Variants in EEIG1 observed in about 807,000 individuals in gnomAD.
The protein encoded by EEIG1 is estrogen-induced osteoclastogenesis regulator 1, also known as early estrogen-induced gene 1 protein.
chr9:127,948,416 T>C, the EEIG1 span: 1 of 1,614,038 alleles, frequency 6.2e-7, no homozygotes. Context: ...AATGGTGACC[T>C]GTGGCGAGGG....
At chr9:127,966,225 A>T in the EEIG1 span, among the ~76,000 whole-genome samples, 3 of 152,204 alleles carry the variant, frequency 2.0e-5, no homozygotes, top group Non-Finnish European at 4.4e-5. Flanking sequence ...CGTCAGGGTT[A>T]GGTGAAAGGA....
the EEIG1 span, among the ~76,000 whole-genome samples, chr9:127,975,887 C>T: frequency 2.0e-5 from 3 of 152,076 alleles, no homozygotes; most frequent in Non-Finnish European, 4.4e-5. Flanking sequence ...TCCTCCCTCC[C>T]GGGACCCCTG....
chr9:127,945,649 C>T, the EEIG1 span: 2,407 of 1,584,752 alleles, frequency 1.5e-3, 2 homozygotes, highest in Non-Finnish European at 1.9e-3. This position sits in a 1 kb window ranked among gnomAD's most constrained non-coding sequence, Gnocchi z 6.5. Context: ...AGCCACTCAC[C>T]GGAGATCTTG....
At chr9:127,945,796 C>G in the EEIG1 span, 1 of 1,335,196 alleles carries the variant, frequency 7.5e-7, no homozygotes, top group African/African-American at 1.4e-5. The surrounding 1 kb of genome is among the most constrained non-coding windows in gnomAD (Gnocchi z 6.5). Flanking sequence ...ACAGGGGTCA[C>G]CCAGTGCTGC....
the EEIG1 span, among the ~76,000 whole-genome samples, chr9:127,960,313 G>A: frequency 6.6e-6 from 1 of 152,198 alleles, no homozygotes; most frequent in African/African-American, 2.4e-5. Context: ...GGCTGAAGAG[G>A]AGCTGGGGGG....
chr9:127,972,435 CTG>C, the EEIG1 span: 1 of 152,332 alleles, frequency 6.6e-6, no homozygotes, highest in African/African-American at 2.4e-5. The surrounding 1 kb of genome is among the most constrained non-coding windows in gnomAD (Gnocchi z 4.3). Flanking sequence ...GGAGGACAGA[CTG>C]TAAGCACATG....
chr9:127,948,098 T>TG, the EEIG1 span: 3 of 1,612,664 alleles, frequency 1.9e-6, no homozygotes, highest in Non-Finnish European at 1.7e-6. Context: ...GGCCGAGCCT[T>TG]GGGGGGCCGG....
the EEIG1 span, among the ~76,000 whole-genome samples, chr9:127,971,395 C>T: frequency 1.3e-5 from 2 of 152,102 alleles, no homozygotes; most frequent in South Asian, 4.1e-4. Flanking sequence ...CTGCCCCATG[C>T]AGAGGAGCCC....
chr9:127,956,220 C>G, the EEIG1 span, among the ~76,000 whole-genome samples: 1 of 152,160 alleles, frequency 6.6e-6, no homozygotes, highest in Non-Finnish European at 1.5e-5. Context: ...CCAGTGTGTG[C>G]CAGGCCCTGT....
the EEIG1 span, chr9:127,944,116 A>C: frequency 2.3e-5 from 4 of 172,480 alleles, no homozygotes; most frequent in African/African-American, 9.5e-5. Context: ...TCGTTCCCGC[A>C]ACTTTGGTCC....
chr9:127,944,605 C>A, the EEIG1 span: 142 of 1,607,934 alleles, frequency 8.8e-5, no homozygotes, highest in South Asian at 1.5e-4. Context: ...CCTCCCTAAG[C>A]CTGCCCTACC....
the EEIG1 span, chr9:127,943,639 G>A: frequency 4.5e-4 from 103 of 230,058 alleles, 1 homozygote; most frequent in Admixed American, 1.3e-3. Context: ...CCCTGGAGTC[G>A]GGGACTCTCG....
the EEIG1 span, chr9:127,980,377 G>C: frequency 2.3e-6 from 1 of 444,132 alleles, no homozygotes; most frequent in African/African-American, 2.0e-5. Context: ...GAGCGGCCGG[G>C]GACCTCACCG....
the EEIG1 span, among the ~76,000 whole-genome samples, chr9:127,971,020 G>C: frequency 6.6e-6 from 1 of 152,162 alleles, no homozygotes; most frequent in African/African-American, 2.4e-5. Flanking sequence ...AATTTGTCTG[G>C]GGGGAGCCTA....
the EEIG1 span, among the ~76,000 whole-genome samples, chr9:127,967,921 C>T: frequency 2.6e-5 from 4 of 151,682 alleles, no homozygotes; most frequent in Non-Finnish European, 4.4e-5. Context: ...GCTGGTCACA[C>T]AGTCCCCTAC....
the EEIG1 span, among the ~76,000 whole-genome samples, chr9:127,957,806 C>T: frequency 6.6e-6 from 1 of 152,112 alleles, no homozygotes; most frequent in African/African-American, 2.4e-5. Flanking sequence ...TAGAAATAAA[C>T]CTTAGAGACC....
chr9:127,951,829 AAAG>A, the EEIG1 span, among the ~76,000 whole-genome samples: 2 of 150,392 alleles, frequency 1.3e-5, no homozygotes, highest in African/African-American at 4.9e-5. Flanking sequence ...AAAAAAAAAA[AAAG>A]AAAAGAAAAG....
At chr9:127,940,670 A>G in the EEIG1 span, 2 of 152,290 alleles carry the variant, frequency 1.3e-5, no homozygotes, top group African/African-American at 4.8e-5. Flanking sequence ...ATTTTCTACA[A>G]CAGAAGCTGG....
chr9:127,944,878 T>C, the EEIG1 span: 5 of 1,612,000 alleles, frequency 3.1e-6, no homozygotes, highest in Non-Finnish European at 3.4e-6. Flanking sequence ...CGGGTGGCTC[T>C]CCACCGAGTC....
Sources: allele counts gnomAD v4.1 joint callset (sites outside exome capture counted in the v4.1 genomes callset), GRCh38; gene constraint gnomAD v4.1.1; non-coding constraint Gnocchi (gnomAD v3.1); transcripts MANE v1.5; gene names NCBI Gene and HGNC (gene_info 2026-07-23, HGNC 2026-07-21).